NAGLU: variants seen among roughly 807,000 people sequenced by gnomAD.
The protein encoded by NAGLU is N-acetyl-alpha-glucosaminidase, also known as alpha-N-acetylglucosaminidase.
A neutral mutation model predicts 43.4 loss-of-function variants in NAGLU; 34 were observed. The ratio of observed to expected loss-of-function variants is 0.78; its 90% confidence interval spans 0.60 to 1.04. The LOEUF is 1.04. NAGLU is among the 50% of genes least tolerant of loss of function. The pLI, the probability that NAGLU is intolerant of heterozygous loss-of-function variation, is 0.00. For synonymous variants in NAGLU, 425 were observed against 437.6 expected (o/e 0.97, Z 0.36); for missense variants, 910 against 993.7 (o/e 0.92, Z 1.13).
At chr17:42,541,292 C>A in intron 5 of NAGLU, 86 bp downstream of exon 5, 1 of 1,560,150 alleles carries the variant, frequency 6.4e-7, no homozygotes, top group Non-Finnish European at 8.7e-7. Context: ...GGCAGAGGGA[C>A]TGGAATAATG....
rs751010437 is a variant in NAGLU, at chr17:42,538,623, T to C, written c.679-47T>C. 4.7e-5 allele frequency: 76 copies of C among 1,612,722 alleles called. No individual in the cohort carries two copies. The Admixed American group carries it at 6.3e-4, about 13-fold the overall frequency. On this transcript the variant is annotated intron_variant, in intron 3 of 5. Transcript: ENST00000225927. ...ATCCTGGGAGATGAGGGCCTTCTCA[T>C]AGGACAGCAGTGGCCATGCTCACCA...
intron 5 of NAGLU, among the ~76,000 whole-genome samples, chr17:42,542,478 G>A (rs1391372762): frequency 4.6e-5 from 7 of 152,014 alleles, no homozygotes; most frequent in Non-Finnish European, 1.0e-4. Flanking sequence ...TATTACAGGC[G>A]TGATCCACTG....
chr17:42,542,627 G>A (rs527670186), intron 5 of NAGLU, among the ~76,000 whole-genome samples: 9 of 152,340 alleles, frequency 5.9e-5, no homozygotes, highest in Admixed American at 4.6e-4. Context: ...CCGAGTAGCC[G>A]GGATTACAGG....
chr17:42,538,237 C>T (rs956791513), intron 2 of NAGLU, 102 bp from the exon 3 acceptor site: 7 of 1,580,604 alleles, frequency 4.4e-6, no homozygotes, highest in Non-Finnish European at 5.2e-6. Flanking sequence ...TCTCAGTAGC[C>T]CTAGCACCCA....
intron 3 of NAGLU, 87 bp from the exon 4 acceptor site, chr17:42,538,583 C>CG (rs554253378): frequency 1.1e-5 from 17 of 1,611,896 alleles, no homozygotes; most frequent in South Asian, 4.4e-5. Flanking sequence ...TTAACTGAGG[C>CG]GGGGGGCTGC....
At chr17:42,538,254 A>C (rs1194354876) in intron 2 of NAGLU, 85 bp from the exon 3 acceptor site, 1 of 1,604,162 alleles carries the variant, frequency 6.2e-7, no homozygotes, top group Non-Finnish European at 8.5e-7. Flanking sequence ...CCCAGCACAA[A>C]GAAGCAATGA....
chr17:42,541,085 CAA>C lies in NAGLU; in HGVS notation c.902_903del (p.Lys301ArgfsTer15), dbSNP rs2092920511. ...IGSLFLRELI[K>X]EFGTDHIYGA... ...GGAGCCTCTTCCTGCGAGAGCTGAT[CAA>C]AGAGTTTGGCACAGACCACATCTAT... On this transcript the variant is annotated frameshift_variant, in exon 5 of 6. Coordinates refer to ENST00000225927, the MANE Select transcript of NAGLU (RefSeq NM_000263.4). LOFTEE classifies it high-confidence loss of function. 1 of 1,614,136 alleles carries C rather than the reference CAA, an allele frequency of 6.2e-7. No individual in the cohort carries two copies. The highest frequency in any genetic ancestry group is 8.5e-7 in the Non-Finnish European group (1 of 1,180,040).
At position 42,543,284 on chromosome 17, in the gene NAGLU, C is replaced by T. The variant is rs1447090076; in HGVS notation, c.1278C>T (p.Gly426=). ...LFGALEAVNG[G]PEAARLFPNS... is the part of the protein sequence containing the mutation. ...GAGCCCTAGAGGCTGTGAACGGAGGCCCAGAAGCTGCCCGCCTCTTCCCCA... is the reference window on the plus strand; with the variant it reads ...GAGCCCTAGAGGCTGTGAACGGAGGTCCAGAAGCTGCCCGCCTCTTCCCCA... The change falls in exon 6 of 6, where the codon GGC becomes GGT. Residue 426 remains glycine (G), a synonymous_variant. Transcript: ENST00000225927. 3.1e-6 allele frequency: 5 copies of T among 1,613,914 alleles called. No individual in the cohort carries two copies. The East Asian group carries it at 8.9e-5, about 29-fold the overall frequency.
Position 42,543,567 on chromosome 17 carries a change from C to T in NAGLU, c.1561C>T (p.Pro521Ser), listed in dbSNP as rs1454994091. ...CAATCGTAGCCCGCTGGTCAGGCGG[C>T]CGTCCCTACAGATGAATACCAGCAT... The part of the protein sequence containing the change: ...GHNRSPLVRR[P>S]SLQMNTSIWY... Residue 521 changes from proline to serine, a missense_variant, in exon 6 of 6, where the codon CCG (proline) becomes TCG (serine). Pro to Ser is a moderately conservative substitution (Grantham distance 74). Coordinates refer to ENST00000225927, the MANE Select transcript of NAGLU (RefSeq NM_000263.4). 1.2e-6 allele frequency: 2 copies of T among 1,612,136 alleles called. No homozygotes were observed. Among genetic ancestry groups the T allele is most frequent in the South Asian group, 2.2e-5 (2 of 90,984 alleles).
chr17:42,538,795 G>A, intron 4 of NAGLU, 40 bp downstream of exon 4: 2 of 1,607,922 alleles, frequency 1.2e-6, no homozygotes, highest in Non-Finnish European at 1.7e-6. Flanking sequence ...CTCAGAGAGG[G>A]AATTTTATTC....
At chr17:42,537,641 T>G in intron 2 of NAGLU, 96 bp downstream of exon 2, 1 of 1,509,712 alleles carries the variant, frequency 6.6e-7, no homozygotes, top group Non-Finnish European at 8.9e-7. Flanking sequence ...TGTCTCTCTC[T>G]AGAAGTGCTT....
chr17:42,542,330 C>T (rs565311244), intron 5 of NAGLU, among the ~76,000 whole-genome samples: 2 of 152,292 alleles, frequency 1.3e-5, no homozygotes, highest in East Asian at 3.9e-4. Flanking sequence ...TCCCAAAGTG[C>T]TGGGATTACA....
Position 42,543,502 on chromosome 17 carries a change from G to C in NAGLU, c.1496G>C (p.Arg499Pro). 1.2e-6 allele frequency: 2 copies of C among 1,603,828 alleles called. No individual in the cohort carries two copies. The highest frequency in any genetic ancestry group is 1.7e-6 in the Non-Finnish European group (2 of 1,177,286). The change falls in exon 6 of 6, where the codon CGG becomes CCG. Residue 499 changes from arginine to proline, a missense_variant. Arg to Pro is a moderately radical substitution (Grantham distance 103, BLOSUM62 -2). Transcript: ENST00000225927. Reference sequence around the variant, plus strand: ...GGGGCAGCGTGGAGGCTACTGCTCCGGAGTGTGTACAACTGCTCCGGGGAG... The same window carrying C: ...GGGGCAGCGTGGAGGCTACTGCTCCCGAGTGTGTACAACTGCTCCGGGGAG... ...DAGAAWRLLL[R>P]SVYNCSGEAC...
intron 1 of NAGLU, chr17:42,536,950 C>A: frequency 1.8e-6 from 1 of 540,744 alleles, no homozygotes; most frequent in Non-Finnish European, 3.1e-6. Context: ...GCCTTCCTCC[C>A]CCACCTTCTC....
At chr17:42,542,585 A>G (rs914906153) in intron 5 of NAGLU, among the ~76,000 whole-genome samples, 2 of 152,070 alleles carry the variant, frequency 1.3e-5, no homozygotes, top group African/African-American at 2.4e-5. Context: ...CTTCTGCCTC[A>G]TGGGTTCAAG....
In NAGLU at chr17:42,543,215, C is replaced by G; in HGVS notation, c.1209C>G (p.Ile403Met). ...RTASFQGQPF[I>M]WCMLHNFGGN... ...CCTCCTTCCAGGGCCAGCCCTTCAT[C>G]TGGTGCATGCTGCACAACTTTGGGG... is the stretch of plus-strand genomic sequence containing the variant. The change falls in exon 6 of 6, where the codon ATC (isoleucine) becomes ATG (methionine). Residue 403 changes from isoleucine (I) to methionine (M), a missense_variant. Transcript: ENST00000225927. The G allele has an allele frequency of 6.2e-7, 1 of 1,614,262 alleles. No individual in the cohort carries two copies. Among genetic ancestry groups the G allele is most frequent in the Non-Finnish European group, 8.5e-7 (1 of 1,180,054 alleles).
Position 42,543,551 on chromosome 17 carries a change from C to T in NAGLU, c.1545C>T (p.Ser515=), listed in dbSNP as rs1233220699. 1.9e-6 allele frequency: 3 copies of T among 1,610,976 alleles called. No homozygotes were observed. In the South Asian group the frequency reaches 3.3e-5, roughly 18 times the overall value. Residue 515 remains serine (S), a synonymous_variant, in exon 6 of 6, where the codon AGC becomes AGT. Coordinates refer to ENST00000225927, the MANE Select transcript of NAGLU (RefSeq NM_000263.4). Reference sequence around the variant, plus strand: ...AGGCCTGCAGGGGCCACAATCGTAGCCCGCTGGTCAGGCGGCCGTCCCTAC... The same window carrying T: ...AGGCCTGCAGGGGCCACAATCGTAGTCCGCTGGTCAGGCGGCCGTCCCTAC... ...SGEACRGHNR[S]PLVRRPSLQM...
chr17:42,536,709 GCCGCTGCCA>G (rs2092907444), intron 1 of NAGLU, 54 bp downstream of exon 1: 1 of 1,376,104 alleles, frequency 7.3e-7, no homozygotes, highest in Non-Finnish European at 9.4e-7. Context: ...CCCTCCCGGA[GCCGCTGCCA>G]CCCAAATCGG....
chr17:42,537,611 G>A lies in NAGLU; in HGVS notation c.531+66G>A, dbSNP rs944488459. The A allele has an allele frequency of 3.8e-6, 6 of 1,583,990 alleles. No individual in the cohort carries two copies. The African/African-American group carries it at 4.0e-5, about 11-fold the overall frequency. On this transcript the variant is annotated intron_variant, in intron 2 of 5. Transcript: ENST00000225927. ...GGAGCCACCGTAGGTGTTTTCACCC[G>A]CCCCCCAGCATGGGCGCAGTGTCTC...
Sources: gnomAD v4.1 joint callset for allele counts (sites outside exome capture counted in the v4.1 genomes callset) on GRCh38, gnomAD v4.1.1 for gene constraint, MANE v1.5 for transcripts, NCBI Gene and HGNC (gene_info 2026-07-23, HGNC 2026-07-21) for gene names.